Variants in RBFOX1 observed in about 807,000 individuals in gnomAD.
RBFOX1 encodes RNA binding fox-1 homolog 1, also known as RNA binding protein fox-1 homolog 1.
A neutral mutation model predicts 57.7 loss-of-function variants in RBFOX1; 8 were observed. The observed-to-expected ratio is 0.14, with a 90% CI of 0.08 to 0.25. The LOEUF is 0.25. Among genes scored for constraint, RBFOX1 ranks in the 10% least tolerant of loss-of-function variants. The pLI is 1.00. For missense variants in RBFOX1, 611 were observed against 548.5 expected, an observed-to-expected ratio of 1.11 and a Z score of -1.14; for synonymous variants, 326 against 222.4, an observed-to-expected ratio of 1.47 and a Z score of -4.15.
At chr16:5,543,244 T>C (rs1597460357) in intron 2 of RBFOX1, among the ~76,000 whole-genome samples, 1 of 152,068 alleles carries the variant, frequency 6.6e-6, no homozygotes, top group Admixed American at 6.6e-5. Context: ...AGTAGAAACA[T>C]GTATCAGTTG....
chr16:6,470,359 G>T (rs1015725089), intron 2 of RBFOX1, among the ~76,000 whole-genome samples: 1 of 152,190 alleles, frequency 6.6e-6, no homozygotes. Flanking sequence ...GATATTAAAT[G>T]TGTGACTATA....
chr16:6,798,761 G>C (rs758817063), intron 3 of RBFOX1, among the ~76,000 whole-genome samples: 1 of 152,160 alleles, frequency 6.6e-6, no homozygotes, highest in Non-Finnish European at 1.5e-5. Flanking sequence ...TGGAACAAAT[G>C]GAGTAAAAGT....
intron 4 of RBFOX1, among the ~76,000 whole-genome samples, chr16:7,269,709 C>T (rs990869031): frequency 1.3e-5 from 2 of 152,114 alleles, no homozygotes; most frequent in Non-Finnish European, 1.5e-5. Context: ...AATAATGTCA[C>T]AGAGAATTTT....
In RBFOX1 at chr16:6,562,836, CTTTCTTTCTTTCTT is replaced by C. The variant is rs1567693113; in HGVS notation, c.-63-91765_-63-91752del. On this transcript the variant is annotated intron_variant, in intron 2 of 15. Transcript: ENST00000550418. ...GCAGGCCTTGATTCTTGATTCTTTTCTTTCTTTCTTTCTTTCTTTCTTTCTTTCTTTCTTTCTTT... is the reference window on the plus strand; with the variant it reads ...GCAGGCCTTGATTCTTGATTCTTTTCTCTTTCTTTCTTTCTTTCTTTCTTT... 4.0e-3 allele frequency among the ~76,000 whole-genome samples: 153 copies of C among 37,924 alleles called. 18 individuals are homozygous for C. The highest frequency in any genetic ancestry group is 0.015 in the African/African-American group (148 of 10,166). The allele number at this position is 37,924 out of a possible 152,430, so 24.9% of individuals were successfully genotyped here.
intron 1 of RBFOX1, among the ~76,000 whole-genome samples, chr16:6,271,548 G>C (rs1323042159): frequency 6.6e-6 from 1 of 152,186 alleles, no homozygotes; most frequent in Non-Finnish European, 1.5e-5. Context: ...GAACAGATGA[G>C]TAAGACAAAC....
chr16:6,220,811 C>G (rs985055653), intron 1 of RBFOX1, among the ~76,000 whole-genome samples: 2 of 152,102 alleles, frequency 1.3e-5, no homozygotes, highest in Non-Finnish European at 2.9e-5. Context: ...CTTCCACCCT[C>G]AGATGTATTT....
In RBFOX1 at chr16:5,549,193, G is replaced by A. The variant is rs538198892; in HGVS notation, c.259-49709G>A. Among the ~76,000 whole-genome samples the A allele has an allele frequency of 4.2e-4, 64 of 152,288 alleles. 2 individuals are homozygous for A. In the South Asian group the frequency reaches 8.3e-3, roughly 20 times the overall value. ...TTCCTGAGGCAGCCATGAGCAAGTG[G>A]CAAACTTGTTGAGAAGGAGCTGAAA... On this transcript the variant is annotated intron_variant, in intron 2 of 2. Transcript: ENST00000585867.
chr16:6,408,442 C>T (rs2534738), intron 2 of RBFOX1, among the ~76,000 whole-genome samples: 99,655 of 152,024 alleles, frequency 0.66, 33,387 homozygotes, highest in African/African-American at 0.81. Context: ...TTCATCAGGG[C>T]GAGTTCTGGA....
intron 3 of RBFOX1, among the ~76,000 whole-genome samples, chr16:6,713,761 C>T (rs2064189774): frequency 6.6e-6 from 1 of 152,164 alleles, no homozygotes; most frequent in Admixed American, 6.5e-5. Flanking sequence ...GCTGGCAACT[C>T]CTGCTCACCC....
At chr16:6,857,895 G>A (rs200253145) in intron 3 of RBFOX1, among the ~76,000 whole-genome samples, 2 of 152,160 alleles carry the variant, frequency 1.3e-5, no homozygotes, top group South Asian at 2.1e-4. Flanking sequence ...GAGCTAATGA[G>A]CCTATCCCAC....
At chr16:6,433,849 T>G (rs1346162673) in intron 2 of RBFOX1, among the ~76,000 whole-genome samples, 4 of 75,234 alleles carry the variant, frequency 5.3e-5, no homozygotes, top group African/African-American at 2.7e-4. Flanking sequence ...CATTTTTCTT[T>G]TTTTTTTTTT....
chr16:6,607,767 G>A (rs192886415), intron 2 of RBFOX1, among the ~76,000 whole-genome samples: 4 of 152,246 alleles, frequency 2.6e-5, no homozygotes, highest in South Asian at 4.1e-4. Context: ...CCAAAATTCA[G>A]TGTCTACAAC....
intron 1 of RBFOX1, among the ~76,000 whole-genome samples, chr16:6,226,595 T>C (rs1004315988): frequency 5.9e-5 from 9 of 152,058 alleles, no homozygotes; most frequent in African/African-American, 1.7e-4. Context: ...GATAGTGATA[T>C]AGTAAAGGTA....
intron 2 of RBFOX1, among the ~76,000 whole-genome samples, chr16:6,453,762 T>G (rs2094693365): frequency 6.6e-6 from 1 of 152,216 alleles, no homozygotes; most frequent in South Asian, 2.1e-4. Flanking sequence ...TGTGACTGTT[T>G]AAATTTAAAT....
chr16:5,660,734 T>G lies in RBFOX1; in HGVS notation c.318+61773T>G, dbSNP rs142203653. ...TGATAAAGCTAACAGATCCATAAAT[T>G]GGGCCATGAATGACGCTTTAAGATG... On this transcript the variant is annotated intron_variant, in intron 3 of 19. Coordinates refer to the RBFOX1 transcript ENST00000641259. Among the ~76,000 whole-genome samples, 658 of 152,260 alleles carry G rather than the reference T, an allele frequency of 4.3e-3. 6 individuals carry two copies. The highest frequency in any genetic ancestry group is 0.014 in the African/African-American group (602 of 41,554).
intron 1 of RBFOX1, among the ~76,000 whole-genome samples, chr16:6,098,421 T>G (rs1179351340): frequency 6.6e-6 from 1 of 152,228 alleles, no homozygotes; most frequent in East Asian, 1.9e-4. Context: ...CCACTTGCAC[T>G]GCCTCCTAAA....
At chr16:6,415,158 G>A (rs1032603726) in intron 2 of RBFOX1, among the ~76,000 whole-genome samples, 1 of 148,926 alleles carries the variant, frequency 6.7e-6, no homozygotes, top group Non-Finnish European at 1.5e-5. Context: ...CAGGAGAATC[G>A]CTTGAACCAG....
rs150495183 is a variant in RBFOX1, at chr16:6,651,259, C to A, written c.-63-3344C>A. On this transcript the variant is annotated intron_variant, in intron 2 of 15. Transcript: ENST00000550418. The stretch of plus-strand genomic sequence containing the variant: ...ACCCTGCACATCCATGCCCTCCCTG[C>A]CTCCATGGAGAGCATGGCCAGGCTA... Among the ~76,000 whole-genome samples the A allele has an allele frequency of 4.1e-3, 623 of 152,336 alleles. 3 individuals are homozygous for A. Among genetic ancestry groups the A allele is most frequent in the African/African-American group, 0.015 (604 of 41,580 alleles).
At chr16:5,677,250 A>AT (rs1316200762) in intron 3 of RBFOX1, among the ~76,000 whole-genome samples, 1 of 152,224 alleles carries the variant, frequency 6.6e-6, no homozygotes, top group African/African-American at 2.4e-5. Flanking sequence ...TCACTAGAGA[A>AT]TAGGTAGTTC....
Sources: allele counts gnomAD v4.1 joint callset (sites outside exome capture counted in the v4.1 genomes callset), GRCh38; gene constraint gnomAD v4.1.1; transcripts MANE v1.5; gene names NCBI Gene and HGNC (gene_info 2026-07-23, HGNC 2026-07-21).